The following NKAP variants were observed in gnomAD, a reference collection of about 807,000 sequenced individuals.
The protein encoded by NKAP is NF-kappa-B-activating protein.
A neutral mutation model predicts 35.6 loss-of-function variants in NKAP; 4 were observed. That is an observed-to-expected ratio of 0.11 (90% CI 0.06 to 0.26). The LOEUF is 0.26. NKAP is among the 10% of genes least tolerant of loss of function. The pLI is 1.00. For missense variants in NKAP, 238 were observed against 321.9 expected (o/e 0.74, Z 1.99); for synonymous variants, 106 against 119.2 (o/e 0.89, Z 0.72).
chrX:119,936,008 G>A (rs2056764396), intron 4 of NKAP, among the ~76,000 whole-genome samples: 1 of 111,547 alleles, frequency 9.0e-6, no homozygotes, highest in Non-Finnish European at 1.9e-5. Context: ...ATCCCAATCC[G>A]GAGTCAGATT....
chrX:119,927,289 A>T (rs1217628595), intron 8 of NKAP, among the ~76,000 whole-genome samples: 1 of 107,412 alleles, frequency 9.3e-6, no homozygotes, highest in Non-Finnish European at 1.9e-5. Context: ...CTGACATGCT[A>T]TCTCTTTCAT....
intron 1 of NKAP, among the ~76,000 whole-genome samples, chrX:119,941,155 G>T (rs1383928825): frequency 1.8e-5 from 2 of 108,991 alleles, no homozygotes; most frequent in African/African-American, 3.3e-5. Flanking sequence ...AAAAAAAAAA[G>T]ATAAATTATT....
rs758130088 is a variant in NKAP, at chrX:119,942,951, G to A, written c.386+269C>T. On this transcript the variant is annotated intron_variant, in intron 1 of 8. Transcript: ENST00000371410. ...CCAGGTAAATGCTACAGTTCTGGTA[G>A]GTCTGAACTCTCGGCAATATTCGCT... The A allele has an allele frequency of 8.1e-5, 28 of 346,946 alleles. No homozygotes were observed. In the Middle Eastern group the frequency reaches 2.4e-3, roughly 30 times the overall value. The allele number at this position is 346,946 out of a possible 1,213,427, so 28.6% of individuals were successfully genotyped here. A position where few individuals can be genotyped will look rare whatever the true frequency, so the allele number is the denominator to read the frequency against.
intron 2 of NKAP, 67 bp from the exon 3 acceptor site, chrX:119,936,749 A>G (rs1183566301): frequency 1.2e-6 from 1 of 834,592 alleles, no homozygotes; most frequent in Non-Finnish European, 1.7e-6. Context: ...GAGTGTAAAG[A>G]TATGAACTCC....
intron 5 of NKAP, among the ~76,000 whole-genome samples, chrX:119,933,634 T>A (rs956342769): frequency 1.8e-5 from 2 of 111,751 alleles, no homozygotes; most frequent in Admixed American, 1.9e-4. Flanking sequence ...AATAGAGGAA[T>A]TATTATTAAA....
intron 8 of NKAP, among the ~76,000 whole-genome samples, chrX:119,929,697 C>G (rs1003185505): frequency 1.2e-4 from 13 of 111,629 alleles, no homozygotes; most frequent in African/African-American, 3.9e-4. Context: ...CCTCATGGGG[C>G]AGTGATAAAT....
intron 8 of NKAP, 23 bp from the exon 9 acceptor site, chrX:119,925,417 C>T (rs1180830973): frequency 4.2e-6 from 5 of 1,179,308 alleles, no homozygotes; most frequent in Non-Finnish European, 4.5e-6. Context: ...TTATTTTTGG[C>T]TTAATTTCTC....
intron 1 of NKAP, among the ~76,000 whole-genome samples, chrX:119,941,941 G>C (rs2056795573): frequency 8.9e-6 from 1 of 112,147 alleles, no homozygotes; most frequent in African/African-American, 3.2e-5. Flanking sequence ...AAAATGCATA[G>C]TTTTAAGGAG....
At position 119,934,544 on chromosome X, in the gene NKAP, TTTG is replaced by T. The variant is rs2056758216; in HGVS notation, c.684_686del (p.Asn228del). On this transcript the variant is annotated inframe_deletion, in exon 5 of 9. Transcript: ENST00000371410. ...TTTTCTTGGCTTTCTTTGCTCTCCT[TTTG>T]TTATCTTCATCTGCAAATTAAAGCA... The T allele has an allele frequency of 8.6e-7, 1 of 1,163,130 alleles. No homozygotes were observed. The highest frequency in any genetic ancestry group is 2.7e-5 in the Admixed American group (1 of 36,822).
intron 8 of NKAP, among the ~76,000 whole-genome samples, chrX:119,926,299 C>G (rs756294551): frequency 9.2e-6 from 1 of 108,902 alleles, no homozygotes. Flanking sequence ...TAAAGTCTGG[C>G]TCTGTCACCA....
Position 119,936,389 on chromosome X carries a change from T to A in NKAP, c.581A>T (p.Lys194Met). 8.4e-7 allele frequency: 1 copy of A among 1,186,906 alleles called. No homozygotes were observed. The highest frequency in any genetic ancestry group is 1.1e-6 in the Non-Finnish European group (1 of 882,111). Residue 194 changes from lysine (K) to methionine (M), a missense_variant, in exon 4 of 9, where the codon AAG becomes ATG. This residue lies in a region of NKAP where 89 missense variants were observed against 91.7 expected (regional missense o/e 0.97). Transcript: ENST00000371410. ...CGATGATTTTTTCTTTCTCCTTTTC[T>A]TGGACCTTTCTTTTGAACGGCTAGA... ...KKSSRSKERS[K>M]KRRKKKSSKR...
At chrX:119,937,797 A>C (rs1265573878) in intron 2 of NKAP, 5 of 108,534 alleles carry the variant, frequency 4.6e-5, no homozygotes, top group Non-Finnish European at 9.5e-5. Context: ...AAGTGCTGTG[A>C]TTACAGGCGT....
rs900996529 is a variant in NKAP, at chrX:119,928,570, AT to A, written c.1073+1445del. ...ACCATGTCATTCACAAAAAAATGAC[AT>A]TTTTTTTTTAAGACGGAGTTTCACT... On this transcript the variant is annotated intron_variant, in intron 8 of 8. Coordinates refer to ENST00000371410, the MANE Select transcript of NKAP (RefSeq NM_024528.4). Among the ~76,000 whole-genome samples, 13 of 106,489 alleles carry A rather than the reference AT, an allele frequency of 1.2e-4. 1 individual carries two copies. The highest frequency in any genetic ancestry group is 4.3e-4 in the African/African-American group (12 of 27,724). 92.5% of individuals were successfully genotyped at this position (106,489 alleles called of 115,157 possible).
At chrX:119,926,739 A>C (rs1168184097) in intron 8 of NKAP, among the ~76,000 whole-genome samples, 1 of 110,387 alleles carries the variant, frequency 9.1e-6, no homozygotes, top group Non-Finnish European at 1.9e-5. Flanking sequence ...AACTTCCTTC[A>C]AGGTTCTACT....
chrX:119,940,373 A>C (rs1298490391), intron 1 of NKAP, among the ~76,000 whole-genome samples: 1 of 102,514 alleles, frequency 9.8e-6, no homozygotes, highest in African/African-American at 3.5e-5. Flanking sequence ...AAAAAAAAAA[A>C]CTATACTCAA....
At chrX:119,940,154 G>T (rs1199993235) in intron 1 of NKAP, among the ~76,000 whole-genome samples, 1 of 110,381 alleles carries the variant, frequency 9.1e-6, no homozygotes, top group Non-Finnish European at 1.9e-5. Context: ...TGGCCAACAT[G>T]GTAAAACCCT....
At chrX:119,930,699 TC>T (rs2056736114) in intron 7 of NKAP, among the ~76,000 whole-genome samples, 1 of 110,551 alleles carries the variant, frequency 9.0e-6, no homozygotes, top group South Asian at 3.8e-4. Context: ...ATGCTTGTAG[TC>T]CCAGCTACTC....
At chrX:119,936,534 A>G in intron 3 of NKAP, 78 bp downstream of exon 3, 1 of 981,795 alleles carries the variant, frequency 1.0e-6, no homozygotes, top group Non-Finnish European at 1.4e-6. Context: ...TCTAATGTTC[A>G]ACTATTTACA....
intron 7 of NKAP, 95 bp downstream of exon 7, chrX:119,931,841 A>G (rs984832916): frequency 5.9e-6 from 4 of 678,737 alleles, no homozygotes; most frequent in South Asian, 2.5e-5. Context: ...CCTGGAGTAG[A>G]AATAAGGGAA....
Sources: allele counts gnomAD v4.1 joint callset (sites outside exome capture counted in the v4.1 genomes callset), GRCh38; gene constraint gnomAD v4.1.1; regional missense constraint gnomAD v4.1.1; transcripts MANE v1.5; gene names NCBI Gene and HGNC (gene_info 2026-07-23, HGNC 2026-07-21).